Variants in ORC5 observed in about 807,000 individuals in gnomAD.
ORC5 encodes the protein protein phosphatase 1, regulatory subunit 117.
A neutral mutation model predicts 58.8 loss-of-function variants in ORC5; 39 were observed. The ratio of observed to expected loss-of-function variants is 0.66; its 90% CI spans 0.51 to 0.87. The LOEUF (loss-of-function observed/expected upper bound fraction) is 0.87, where lower values mean the gene tolerates loss of function less well. ORC5 is among the 40% of genes least tolerant of loss of function. ORC5 has a pLI of 0.00. For missense variants in ORC5, 493 were observed against 506.3 expected (o/e 0.97, Z 0.25); for synonymous variants, 218 against 177.6 (o/e 1.23, Z -1.81).
intron 13 of ORC5, among the ~76,000 whole-genome samples, chr7:104,134,795 G>T (rs2115743413): frequency 6.6e-6 from 1 of 152,210 alleles, no homozygotes; most frequent in African/African-American, 2.4e-5. Flanking sequence ...TAAGGCACAT[G>T]GGAGGGAGGG....
intron 5 of ORC5, among the ~76,000 whole-genome samples, chr7:104,194,305 T>G (rs1799747729): frequency 1.3e-5 from 2 of 152,092 alleles, no homozygotes; most frequent in Non-Finnish European, 2.9e-5. Flanking sequence ...TGTGTTAATC[T>G]TAAGGTATGT....
chr7:104,165,207 C>T, intron 11 of ORC5, 28 bp downstream of exon 11: 3 of 1,123,050 alleles, frequency 2.7e-6, no homozygotes, highest in Non-Finnish European at 3.9e-6. Flanking sequence ...TCCTAAGTTT[C>T]TTCCATTAGA....
intron 12 of ORC5, among the ~76,000 whole-genome samples, chr7:104,141,390 T>C (rs2115771020): frequency 6.6e-6 from 1 of 152,234 alleles, no homozygotes; most frequent in South Asian, 2.1e-4. Flanking sequence ...GATTCCACAC[T>C]TAATCTTCTG....
chr7:104,154,097 T>C (rs1046810675), intron 12 of ORC5, among the ~76,000 whole-genome samples: 2 of 152,066 alleles, frequency 1.3e-5, no homozygotes, highest in African/African-American at 4.8e-5. Flanking sequence ...ATGAAGTATT[T>C]CAAATATAGC....
Position 104,129,096 on chromosome 7 carries a change from TTG to T in ORC5, c.1263-2205_1263-2204del, listed in dbSNP as rs1798475171. Among the ~76,000 whole-genome samples, 2 of 152,134 alleles carry T rather than the reference TTG, an allele frequency of 1.3e-5. No individual in the cohort carries two copies. Among genetic ancestry groups the T allele is most frequent in the Non-Finnish European group, 2.9e-5 (2 of 68,022 alleles). The stretch of plus-strand genomic sequence containing the variant: ...GGGAGAAGAAATAATTGCAAGTAAG[TTG>T]TGACGGCTGCAGAGAAATGTTTGTC... On this transcript the variant is annotated intron_variant, in intron 13 of 13. Coordinates refer to ENST00000297431, the MANE Select transcript of ORC5 (RefSeq NM_002553.4). The surrounding 1 kb of genome is among the most constrained non-coding windows in gnomAD (Gnocchi z 4.9).
chr7:104,183,130 C>G (rs945130075), intron 8 of ORC5, among the ~76,000 whole-genome samples: 1 of 152,110 alleles, frequency 6.6e-6, no homozygotes, highest in African/African-American at 2.4e-5. Flanking sequence ...AGCGAAACTA[C>G]GTCTCAAAAA....
chr7:104,176,633 T>TAG (rs141715322), intron 8 of ORC5, among the ~76,000 whole-genome samples: 6,762 of 152,132 alleles, frequency 0.044, 490 homozygotes, highest in African/African-American at 0.15. Context: ...TGGCTAGGAA[T>TAG]AGTTTTTCAG....
intron 1 of ORC5, among the ~76,000 whole-genome samples, chr7:104,207,006 A>T (rs1800103826): frequency 6.6e-6 from 1 of 152,150 alleles, no homozygotes; most frequent in Non-Finnish European, 1.5e-5. Flanking sequence ...CTCAGGACGT[A>T]TCCCCCTCAC....
chr7:104,138,096 G>A lies in ORC5; in HGVS notation c.1150-1203C>T, dbSNP rs973299627. 2.0e-5 allele frequency among the ~76,000 whole-genome samples: 3 copies of A among 152,146 alleles called. No homozygotes were observed. Among genetic ancestry groups the A allele is most frequent in the African/African-American group, 4.8e-5 (2 of 41,420 alleles). ...TGCTCCCATTAGAGGTTTGAGCAGC[G>A]GGACACTGAAGAAGCAAGCCACTAC... On this transcript the variant is annotated intron_variant, in intron 12 of 13. Transcript: ENST00000297431. This position sits in a 1 kb window ranked among gnomAD's most constrained non-coding sequence, Gnocchi z 4.7.
In ORC5 at chr7:104,187,848, G is replaced by A. The variant is rs559203593; in HGVS notation, c.684+403C>T. 26 of 987,704 alleles carry A rather than the reference G, an allele frequency of 2.6e-5. No homozygotes were observed. The East Asian group carries it at 1.0e-3, about 38-fold the overall frequency. 61.2% of individuals were successfully genotyped at this position (987,704 alleles called of 1,614,324 possible). On this transcript the variant is annotated intron_variant, in intron 6 of 13. Coordinates refer to ENST00000297431, the MANE Select transcript of ORC5 (RefSeq NM_002553.4). The stretch of plus-strand genomic sequence containing the variant: ...ATCTAGATTCTAGACCTCAATCACC[G>A]CATACATAAAACTTGAACAAAATCT...
chr7:104,189,450 G>A (rs543480654), intron 5 of ORC5, among the ~76,000 whole-genome samples: 26 of 152,106 alleles, frequency 1.7e-4, no homozygotes, highest in African/African-American at 5.1e-4. Flanking sequence ...TGGGGATTAC[G>A]GGATTATAAT....
At chr7:104,144,006 C>A (rs1798715261) in intron 12 of ORC5, among the ~76,000 whole-genome samples, 1 of 152,070 alleles carries the variant, frequency 6.6e-6, no homozygotes, top group African/African-American at 2.4e-5. Context: ...GTAATCCCAG[C>A]TACTTGGGAG....
chr7:104,137,870 C>G (rs1798615216), intron 12 of ORC5, among the ~76,000 whole-genome samples: 1 of 152,198 alleles, frequency 6.6e-6, no homozygotes, highest in Non-Finnish European at 1.5e-5. Context: ...TTTTTCGGTA[C>G]AGCAAGGCAA....
intron 5 of ORC5, among the ~76,000 whole-genome samples, chr7:104,193,631 C>T (rs80166497): frequency 0.013 from 2,046 of 151,940 alleles, 57 homozygotes; most frequent in African/African-American, 0.047. Context: ...AATCTCTTTG[C>T]CCTGGTTCCA....
At chr7:104,152,272 A>G (rs572799564) in intron 12 of ORC5, among the ~76,000 whole-genome samples, 105 of 152,204 alleles carry the variant, frequency 6.9e-4, no homozygotes, top group Non-Finnish European at 1.1e-3. Context: ...CTCAGCCTTC[A>G]GAGTGGCTGG....
chr7:104,182,667 T>C (rs568202891), intron 8 of ORC5, among the ~76,000 whole-genome samples: 6 of 152,162 alleles, frequency 3.9e-5, no homozygotes, highest in African/African-American at 9.6e-5. Context: ...AATAAGAAAA[T>C]AGGCCACATG....
chr7:104,164,219 C>T (rs1364583504), intron 11 of ORC5, among the ~76,000 whole-genome samples: 1 of 152,094 alleles, frequency 6.6e-6, no homozygotes, highest in African/African-American at 2.4e-5. Flanking sequence ...CAGCCTCGAA[C>T]TCCTGGGCTT....
intron 5 of ORC5, among the ~76,000 whole-genome samples, chr7:104,190,547 C>T (rs956666928): frequency 7.7e-6 from 1 of 130,274 alleles, no homozygotes; most frequent in Non-Finnish European, 1.9e-5. Context: ...CTTTATCCTG[C>T]TGGAAATAAT....
intron 5 of ORC5, among the ~76,000 whole-genome samples, chr7:104,189,601 A>G (rs1799627874): frequency 6.6e-6 from 1 of 152,056 alleles, no homozygotes; most frequent in African/African-American, 2.4e-5. Context: ...ATATAATGGC[A>G]CCTCCATAAA....
Sources: allele counts gnomAD v4.1 joint callset (sites outside exome capture counted in the v4.1 genomes callset), GRCh38; gene constraint gnomAD v4.1.1; non-coding constraint Gnocchi (gnomAD v3.1); transcripts MANE v1.5; gene names NCBI Gene and HGNC (gene_info 2026-07-23, HGNC 2026-07-21).